Variants in ZMIZ1 observed in about 807,000 individuals in gnomAD.
ZMIZ1 encodes the protein zinc finger MIZ domain-containing protein 1.
In ZMIZ1, 17 loss-of-function variants were observed where a neutral mutation model predicts 113.9. The ratio of observed to expected loss-of-function variants is 0.15; its 90% CI spans 0.10 to 0.22. ZMIZ1 has a LOEUF of 0.22. Ranked by LOEUF, ZMIZ1 falls within the 10% of genes least tolerant of loss-of-function variation. The probability of loss-of-function intolerance (pLI) is 1.00; values close to 1 mark genes in which losing one functional copy is unlikely to be tolerated. For synonymous variants in ZMIZ1, 607 were observed against 603.1 expected, an observed-to-expected ratio of 1.01 and a Z score of -0.09; for missense variants, 1,059 against 1,477.8, an observed-to-expected ratio of 0.72 and a Z score of 4.65.
intron 2 of ZMIZ1, among the ~76,000 whole-genome samples, chr10:79,124,230 A>G (rs1164622656): frequency 2.0e-5 from 3 of 152,152 alleles, no homozygotes; most frequent in Non-Finnish European, 4.4e-5. Context: ...GCAGCTGTTT[A>G]TTGGTCTGTA....
intron 7 of ZMIZ1, among the ~76,000 whole-genome samples, chr10:79,241,719 G>A (rs1052539402): frequency 6.6e-6 from 1 of 152,188 alleles, no homozygotes; most frequent in African/African-American, 2.4e-5. Flanking sequence ...CAAACAAGGA[G>A]CAAGAACATT....
chr10:79,114,482 T>TGTGTGC (rs1843911934), intron 1 of ZMIZ1, among the ~76,000 whole-genome samples: 1 of 124,868 alleles, frequency 8.0e-6, no homozygotes, highest in African/African-American at 3.1e-5. Context: ...TGTGTCTGTG[T>TGTGTGC]GTGTGTGTGT....
intron 1 of ZMIZ1, among the ~76,000 whole-genome samples, chr10:79,083,138 G>T (rs1344489843): frequency 1.3e-5 from 2 of 152,244 alleles, no homozygotes; most frequent in Admixed American, 6.5e-5. Context: ...TCATGCCTGA[G>T]TTATAATCAG....
chr10:79,131,084 C>T lies in ZMIZ1; in HGVS notation c.-226-8598C>T, dbSNP rs182409422. ...CCCATTGCCATGGAATGCCTTCAGG[C>T]TATGGCCAGGAGTTCTTCCCATGTC... On this transcript the variant is annotated intron_variant, in intron 2 of 24. Coordinates refer to ENST00000334512, the MANE Select transcript of ZMIZ1 (RefSeq NM_020338.4). Among the ~76,000 whole-genome samples the T allele has an allele frequency of 3.0e-4, 45 of 152,362 alleles. No individual in the cohort carries two copies. The East Asian group carries it at 8.1e-3, about 27-fold the overall frequency.
rs1271670678 is a variant in ZMIZ1 at position 79,312,595 on chromosome 10, CCT to C, written c.3097-43_3097-42del. The C allele has an allele frequency of 5.6e-6, 9 of 1,603,370 alleles. No homozygotes were observed. The African/African-American group carries it at 1.1e-4, about 19-fold the overall frequency. On this transcript the variant is annotated intron_variant, in intron 24 of 24. Coordinates refer to ENST00000334512, the MANE Select transcript of ZMIZ1 (RefSeq NM_020338.4). Reference sequence around the variant, plus strand: ...CCCTGCATTCCTCACCCGGGGCCTGCCTCTCAGGCACACCTCATCTGAACTTC... The same window carrying C: ...CCCTGCATTCCTCACCCGGGGCCTGCCTCAGGCACACCTCATCTGAACTTC...
chr10:79,293,316 C>G (rs746243861), intron 11 of ZMIZ1, 65 bp from the exon 12 acceptor site: 1 of 1,402,822 alleles, frequency 7.1e-7, no homozygotes, highest in East Asian at 2.4e-5. Context: ...CCTGCACTTT[C>G]AATGCATGTG....
At chr10:79,128,688 C>T (rs1165645521) in intron 2 of ZMIZ1, among the ~76,000 whole-genome samples, 3 of 152,152 alleles carry the variant, frequency 2.0e-5, no homozygotes, top group African/African-American at 7.2e-5. Context: ...ACTCAGTCTC[C>T]CTGAAAACAG....
chr10:79,208,424 A>G lies in ZMIZ1; in HGVS notation c.149A>G (p.Glu50Gly). 6.2e-7 allele frequency: 1 copy of G among 1,613,854 alleles called. No individual in the cohort carries two copies. Among genetic ancestry groups the G allele is most frequent in the Non-Finnish European group, 8.5e-7 (1 of 1,179,990 alleles). The stretch of plus-strand genomic sequence containing the variant: ...CCACGGGCCTTCCAGCGGCCCTTCG[A>G]GCAGAGCCTGATGGGCTGTTTGACG... Reference protein sequence around the residue: ...GDPRAFQRPFEQSLMGCLTVV... With the variant: ...GDPRAFQRPFGQSLMGCLTVV... Residue 50 changes from glutamate to glycine, a missense_variant, in exon 6 of 25, where the codon GAG becomes GGG. By Grantham distance (98) the Glu-to-Gly change is moderately conservative (BLOSUM62 -2). Coordinates refer to ENST00000334512, the MANE Select transcript of ZMIZ1 (RefSeq NM_020338.4).
intron 4 of ZMIZ1, among the ~76,000 whole-genome samples, chr10:79,186,634 T>A (rs2132593831): frequency 6.6e-6 from 1 of 152,364 alleles, no homozygotes; most frequent in South Asian, 2.1e-4. Context: ...GCTAAAACAC[T>A]GCTTATAGAG....
rs541286741 is a variant in ZMIZ1 at position 79,168,685 on chromosome 10, A to G, written c.-50+6552A>G. Among the ~76,000 whole-genome samples the G allele has an allele frequency of 6.6e-5, 10 of 152,338 alleles. No individual in the cohort carries two copies. In the South Asian group the frequency reaches 2.1e-3, roughly 32 times the overall value. ...GACTCCACGAGAAATAATGCTGTGC[A>G]TCGTGTGGCGCATGGTCACGCTCTC... On this transcript the variant is annotated intron_variant, in intron 4 of 24. Coordinates refer to ENST00000334512, the MANE Select transcript of ZMIZ1 (RefSeq NM_020338.4).
intron 4 of ZMIZ1, among the ~76,000 whole-genome samples, chr10:79,181,353 G>A (rs924619232): frequency 6.6e-6 from 1 of 152,248 alleles, no homozygotes; most frequent in Non-Finnish European, 1.5e-5. Context: ...GAGCGGCTGG[G>A]CAGATGCAGT....
At chr10:79,236,587 CA>C (rs533712315) in intron 7 of ZMIZ1, among the ~76,000 whole-genome samples, 158 of 152,290 alleles carry the variant, frequency 1.0e-3, no homozygotes, top group African/African-American at 3.8e-3. Flanking sequence ...CGCTCCCCAC[CA>C]CCTCCAGCAG....
intron 3 of ZMIZ1, among the ~76,000 whole-genome samples, chr10:79,159,534 G>A (rs894942071): frequency 7.2e-5 from 11 of 152,214 alleles, no homozygotes; most frequent in Non-Finnish European, 1.0e-4. Context: ...CTCACATCCC[G>A]GCTGTGTTCC....
intron 4 of ZMIZ1, among the ~76,000 whole-genome samples, chr10:79,187,678 G>C (rs570183554): frequency 6.6e-5 from 10 of 152,336 alleles, no homozygotes; most frequent in African/African-American, 2.4e-4. Context: ...CCACAGTGCA[G>C]TATGCATGCT....
intron 4 of ZMIZ1, among the ~76,000 whole-genome samples, chr10:79,197,611 T>TACAC (rs71482719): frequency 0.025 from 2,211 of 90,034 alleles, 59 homozygotes; most frequent in African/African-American, 0.071. Context: ...CACACACACA[T>TACAC]ACACACACAC....
intron 4 of ZMIZ1, among the ~76,000 whole-genome samples, chr10:79,194,549 G>T (rs1447139615): frequency 6.6e-6 from 1 of 152,212 alleles, no homozygotes; most frequent in Admixed American, 6.5e-5. Context: ...AGGGCTGTTT[G>T]CCTCCCCCAG....
intron 1 of ZMIZ1, among the ~76,000 whole-genome samples, chr10:79,112,084 A>G (rs897366731): frequency 6.6e-5 from 10 of 152,216 alleles, no homozygotes; most frequent in African/African-American, 1.9e-4. Context: ...AGAGACTTCT[A>G]GAAGTGTGGA....
intron 4 of ZMIZ1, among the ~76,000 whole-genome samples, chr10:79,164,784 C>G (rs1303690649): frequency 1.7e-4 from 26 of 152,190 alleles, no homozygotes; most frequent in Admixed American, 1.7e-3. Context: ...GTATGGGCCA[C>G]TTGGACAGTG....
rs756309633 is a variant in ZMIZ1, at chr10:79,297,692, T to A, written c.1491+2T>A. 3.1e-6 allele frequency: 5 copies of A among 1,613,230 alleles called. No individual in the cohort carries two copies. The Admixed American group carries it at 8.3e-5, about 27-fold the overall frequency. The stretch of plus-strand genomic sequence containing the variant: ...TACAGCCAAGGGAATGTCAACAGGG[T>A]ATGTTCCAATTTAATTTACAAATTC... On this transcript the variant is annotated splice_donor_variant, in intron 14 of 24. Transcript: ENST00000334512. LOFTEE classifies it high-confidence loss of function.
Sources: allele counts gnomAD v4.1 joint callset (sites outside exome capture counted in the v4.1 genomes callset), GRCh38; gene constraint gnomAD v4.1.1; transcripts MANE v1.5; gene names NCBI Gene and HGNC (gene_info 2026-07-23, HGNC 2026-07-21).